KCTD8: variants seen among roughly 807,000 people sequenced by gnomAD.
KCTD8 encodes BTB/POZ domain-containing protein KCTD8.
Under a neutral mutation model 31.5 loss-of-function variants are expected in KCTD8, and 27 were observed. That is an observed-to-expected ratio of 0.86 (90% CI 0.63 to 1.18). The LOEUF is 1.18. Ranked by LOEUF, KCTD8 falls within the 50% of genes most tolerant of loss-of-function variation. The pLI is 0.00. For missense variants in KCTD8, 658 were observed against 647.7 expected (o/e 1.02, Z -0.17); for synonymous variants, 290 against 280.0 (o/e 1.04, Z -0.36).
chr4:44,380,415 C>G (rs1259254050), intron 1 of KCTD8, among the ~76,000 whole-genome samples: 1 of 145,358 alleles, frequency 6.9e-6, no homozygotes, highest in Non-Finnish European at 1.5e-5. Context: ...GAGACTCCAT[C>G]TCAAAAAAAA....
At chr4:44,192,395 G>A (rs1349905789) in intron 1 of KCTD8, among the ~76,000 whole-genome samples, 1 of 151,548 alleles carries the variant, frequency 6.6e-6, no homozygotes, top group East Asian at 1.9e-4. Context: ...CCTAGACTGA[G>A]CTCCTCATCC....
chr4:44,404,586 T>C (rs563910637), intron 1 of KCTD8, among the ~76,000 whole-genome samples: 10 of 152,318 alleles, frequency 6.6e-5, no homozygotes, highest in South Asian at 4.1e-4. Flanking sequence ...TTGGGTATGA[T>C]AGAAGTTTTG....
At chr4:44,415,555 C>G (rs1721055648) in intron 1 of KCTD8, among the ~76,000 whole-genome samples, 2 of 152,142 alleles carry the variant, frequency 1.3e-5, no homozygotes, top group African/African-American at 4.8e-5. Flanking sequence ...GGGTCCAGGC[C>G]CAGAGTGCCA....
intron 1 of KCTD8, among the ~76,000 whole-genome samples, chr4:44,251,270 T>C: frequency 6.6e-6 from 1 of 151,730 alleles, no homozygotes; most frequent in East Asian, 1.9e-4. Context: ...GAATTTTCTC[T>C]TATATTCATA....
At chr4:44,251,701 T>C (rs1326925430) in intron 1 of KCTD8, among the ~76,000 whole-genome samples, 1 of 151,492 alleles carries the variant, frequency 6.6e-6, no homozygotes, top group Non-Finnish European at 1.5e-5. Flanking sequence ...GTCTCTAACA[T>C]TTCTCCATTA....
intron 1 of KCTD8, among the ~76,000 whole-genome samples, chr4:44,345,619 A>C (rs1719015914): frequency 6.6e-6 from 1 of 152,168 alleles, no homozygotes; most frequent in African/African-American, 2.4e-5. Flanking sequence ...TGACTATAAA[A>C]AATCAAAAAG....
chr4:44,252,848 A>G (rs1715881424), intron 1 of KCTD8, among the ~76,000 whole-genome samples: 1 of 151,720 alleles, frequency 6.6e-6, no homozygotes, highest in Non-Finnish European at 1.5e-5. Context: ...TCAGTCTCAC[A>G]AATTGAAAAG....
rs529867892 is a variant in KCTD8, at chr4:44,299,057, C to T, written c.962-123807G>A. Among the ~76,000 whole-genome samples, 4 of 152,240 alleles carry T rather than the reference C, an allele frequency of 2.6e-5. 1 individual carries two copies. The East Asian group carries it at 7.7e-4, about 29-fold the overall frequency. The stretch of plus-strand genomic sequence containing the variant: ...CAATGTAGCTAGGTTAGAAATATTG[C>T]TAAAACTTACTTTCAAGTACATTAG... On this transcript the variant is annotated intron_variant, in intron 1 of 1. Coordinates refer to ENST00000360029, the MANE Select transcript of KCTD8 (RefSeq NM_198353.3).
rs546415264 is a variant in KCTD8 at position 44,387,694 on chromosome 4, T to C, written c.961+59869A>G. 1.7e-4 allele frequency among the ~76,000 whole-genome samples: 26 copies of C among 152,054 alleles called. No homozygotes were observed. In the South Asian group the frequency reaches 5.2e-3, roughly 30 times the overall value. On this transcript the variant is annotated intron_variant, in intron 1 of 1. Transcript: ENST00000360029. ...TACAGAAGAAACTGGACTCCTTCCT[T>C]ACACCATATACAAAAATTAACTCAA...
intron 1 of KCTD8, among the ~76,000 whole-genome samples, chr4:44,218,508 C>T (rs1714715584): frequency 2.0e-5 from 3 of 150,508 alleles, no homozygotes; most frequent in Non-Finnish European, 3.0e-5. Context: ...CCCCATACTC[C>T]GTGATGTGCT....
chr4:44,301,287 GC>G (rs1717612162), intron 1 of KCTD8, among the ~76,000 whole-genome samples: 1 of 152,058 alleles, frequency 6.6e-6, no homozygotes, highest in Admixed American at 6.6e-5. Context: ...CTGAGGAATC[GC>G]CACACTGACT....
chr4:44,384,335 A>C (rs1351783158), intron 1 of KCTD8, among the ~76,000 whole-genome samples: 2 of 151,844 alleles, frequency 1.3e-5, no homozygotes, highest in Non-Finnish European at 2.9e-5. Flanking sequence ...TATGCCTGAG[A>C]CTTCCACATT....
At chr4:44,391,359 T>A (rs569556547) in intron 1 of KCTD8, among the ~76,000 whole-genome samples, 24 of 151,958 alleles carry the variant, frequency 1.6e-4, no homozygotes, top group African/African-American at 5.1e-4. Context: ...TGTGCCCGCC[T>A]CTTCTGTCTC....
At chr4:44,283,025 T>TTA (rs1553898517) in intron 1 of KCTD8, among the ~76,000 whole-genome samples, 4 of 136,330 alleles carry the variant, frequency 2.9e-5, no homozygotes, top group African/African-American at 1.1e-4. Flanking sequence ...AACAACACAT[T>TTA]TTATTATTAT....
chr4:44,364,451 C>A (rs537226958), intron 1 of KCTD8, among the ~76,000 whole-genome samples: 1 of 152,054 alleles, frequency 6.6e-6, no homozygotes, highest in East Asian at 1.9e-4. Context: ...AAGAATATGG[C>A]GCAACAGGAA....
At chr4:44,221,029 C>A (rs983301838) in intron 1 of KCTD8, among the ~76,000 whole-genome samples, 1 of 152,216 alleles carries the variant, frequency 6.6e-6, no homozygotes, top group Admixed American at 6.5e-5. Flanking sequence ...GTCATCACTG[C>A]TGAATGCTGG....
At chr4:44,304,960 G>GA (rs891544395) in intron 1 of KCTD8, among the ~76,000 whole-genome samples, 49 of 140,416 alleles carry the variant, frequency 3.5e-4, no homozygotes, top group Admixed American at 5.7e-4. Context: ...ATCCTGTCTA[G>GA]AAAAAAAAAA....
rs1447466180 is a variant in KCTD8, at chr4:44,344,926, C to G, written c.961+102637G>C. 2.0e-5 allele frequency among the ~76,000 whole-genome samples: 3 copies of G among 152,052 alleles called. No individual in the cohort carries two copies. The East Asian group carries it at 5.8e-4, about 29-fold the overall frequency. The stretch of plus-strand genomic sequence containing the variant: ...GAGAGTAAAGTATTCATATTTGTTC[C>G]CTCCTCACTGTTCTTCAGCTTAAAC... On this transcript the variant is annotated intron_variant, in intron 1 of 1. Coordinates refer to ENST00000360029, the MANE Select transcript of KCTD8 (RefSeq NM_198353.3).
At chr4:44,234,846 C>A (rs1302395477) in intron 1 of KCTD8, among the ~76,000 whole-genome samples, 1 of 152,086 alleles carries the variant, frequency 6.6e-6, no homozygotes, top group African/African-American at 2.4e-5. Context: ...CACTTTTAAA[C>A]AGGAAAAGCA....
Sources: gnomAD v4.1 joint callset for allele counts (sites outside exome capture counted in the v4.1 genomes callset) on GRCh38, gnomAD v4.1.1 for gene constraint, MANE v1.5 for transcripts, NCBI Gene and HGNC (gene_info 2026-07-23, HGNC 2026-07-21) for gene names.